Variants in CLPB observed in about 807,000 individuals in gnomAD.
CLPB encodes ClpB family mitochondrial disaggregase, also known as mitochondrial disaggregase.
In CLPB, 40 loss-of-function variants were observed where a neutral mutation model predicts 78.4. The ratio of observed to expected loss-of-function variants is 0.51; its 90% CI spans 0.40 to 0.66. The LOEUF (loss-of-function observed/expected upper bound fraction) is 0.66. Ranked by LOEUF, CLPB falls within the 30% of genes least tolerant of loss-of-function variation. The pLI is 0.00. For synonymous variants in CLPB, 333 were observed against 348.0 expected (o/e 0.96, Z 0.48); for missense variants, 780 against 886.9 (o/e 0.88, Z 1.53).
chr11:72,415,432 G>A (rs1362736405), intron 2 of CLPB, among the ~76,000 whole-genome samples: 1 of 152,080 alleles, frequency 6.6e-6, no homozygotes, highest in Non-Finnish European at 1.5e-5. Flanking sequence ...TTACTTGAGG[G>A]GTGAAGATAC....
intron 6 of CLPB, among the ~76,000 whole-genome samples, chr11:72,321,540 C>T (rs1241506597): frequency 2.6e-5 from 4 of 152,278 alleles, no homozygotes; most frequent in Admixed American, 2.0e-4. Context: ...TAGCTGGGCT[C>T]GCTTTGCTTA....
chr11:72,358,838 T>A, intron 5 of CLPB, 42 bp downstream of exon 5: 2 of 60,748 alleles, frequency 3.3e-5, no homozygotes, highest in Non-Finnish European at 2.9e-5. Context: ...CCACCCCTCT[T>A]CCACTTCCCC....
At position 72,286,994 on chromosome 11, in the gene CLPB, T is replaced by C. The variant is rs1949399093; in HGVS notation, c.*6373A>G. On this transcript the variant is annotated 3_prime_UTR_variant, in exon 16 of 16. Coordinates refer to ENST00000538039, the MANE Select transcript of CLPB (RefSeq NM_001258392.3). ...ACTCTCTAGACATTTAAATAACATT[T>C]AAGTTCTTGATGTAATAAATTAATA... 6.6e-6 allele frequency: 1 copy of C among 152,208 alleles called. No homozygotes were observed. Among genetic ancestry groups the C allele is most frequent in the South Asian group, 2.1e-4 (1 of 4,834 alleles). 9.4% of individuals were successfully genotyped at this position (152,208 alleles called of 1,614,324 possible). A position where few individuals can be genotyped will look rare whatever the true frequency, so the allele number is the denominator to read the frequency against.
chr11:72,387,849 C>A (rs1279006433), intron 3 of CLPB, among the ~76,000 whole-genome samples: 1 of 152,144 alleles, frequency 6.6e-6, no homozygotes, highest in Non-Finnish European at 1.5e-5. Context: ...GTGTTAAAAT[C>A]CAAGTGTCGA....
At chr11:72,367,833 G>C (rs925377421) in intron 4 of CLPB, among the ~76,000 whole-genome samples, 9 of 151,904 alleles carry the variant, frequency 5.9e-5, no homozygotes, top group Admixed American at 3.9e-4. Flanking sequence ...TGAGGTGTGA[G>C]AGGAGAGGAA....
intron 5 of CLPB, among the ~76,000 whole-genome samples, chr11:72,344,262 G>T (rs1950472309): frequency 6.6e-6 from 1 of 152,064 alleles, no homozygotes; most frequent in African/African-American, 2.4e-5. Flanking sequence ...AGGCTGGAGT[G>T]CAGTGGCGCA....
At chr11:72,300,037 T>C (rs1429365538) in intron 11 of CLPB, among the ~76,000 whole-genome samples, 1 of 152,196 alleles carries the variant, frequency 6.6e-6, no homozygotes, top group African/African-American at 2.4e-5. Flanking sequence ...CTCAGCGGCA[T>C]GGTCCCGTCC....
At chr11:72,423,387 A>C (rs1565099244) in intron 2 of CLPB, among the ~76,000 whole-genome samples, 1 of 152,194 alleles carries the variant, frequency 6.6e-6, no homozygotes. Context: ...TTTTCTCCCT[A>C]ATCAACCATA....
At chr11:72,363,819 C>T (rs921210983) in intron 4 of CLPB, among the ~76,000 whole-genome samples, 1 of 152,178 alleles carries the variant, frequency 6.6e-6, no homozygotes, top group African/African-American at 2.4e-5. Flanking sequence ...GCCCACAGGC[C>T]CAAGCCTCAT....
At position 72,329,843 on chromosome 11, in the gene CLPB, G is replaced by A. The variant is rs573466846; in HGVS notation, c.776-39C>T. The A allele has an allele frequency of 1.1e-5, 16 of 1,502,444 alleles. No individual in the cohort carries two copies. The African/African-American group carries it at 1.1e-4, about 10-fold the overall frequency. 93.1% of individuals were successfully genotyped at this position (1,502,444 alleles called of 1,614,324 possible). A position where few individuals can be genotyped will look rare whatever the true frequency, so the allele number is the denominator to read the frequency against. ...AAGGATAAACAGAGGCTCTATGAAC[G>A]ATCAGTGGGACCTCAGCCTTCCCTT... On this transcript the variant is annotated intron_variant, in intron 5 of 15. Transcript: ENST00000538039.
intron 2 of CLPB, among the ~76,000 whole-genome samples, chr11:72,422,596 T>C (rs1358274063): frequency 1.3e-5 from 2 of 152,204 alleles, no homozygotes; most frequent in Non-Finnish European, 2.9e-5. Flanking sequence ...CCTTGAGGCC[T>C]TGACCTTTGG....
intron 2 of CLPB, among the ~76,000 whole-genome samples, chr11:72,426,731 G>A (rs111929740): frequency 2.0e-5 from 3 of 152,298 alleles, no homozygotes; most frequent in African/African-American, 4.8e-5. Context: ...GGTAAAAGAC[G>A]GTAGAGAACA....
intron 2 of CLPB, among the ~76,000 whole-genome samples, chr11:72,420,266 C>T (rs985627166): frequency 2.6e-5 from 4 of 152,072 alleles, no homozygotes; most frequent in African/African-American, 9.7e-5. Flanking sequence ...TTTAGGAGGC[C>T]GAGGTGGGCG....
At chr11:72,346,132 C>T (rs1400786202) in intron 5 of CLPB, among the ~76,000 whole-genome samples, 17 of 152,076 alleles carry the variant, frequency 1.1e-4, no homozygotes, top group Admixed American at 1.1e-3. Context: ...GGATTACTAA[C>T]AAATGTAGGT....
intron 2 of CLPB, among the ~76,000 whole-genome samples, chr11:72,414,984 G>A (rs1017011311): frequency 1.3e-5 from 2 of 152,172 alleles, no homozygotes; most frequent in Non-Finnish European, 2.9e-5. Context: ...TTGAGAGGCC[G>A]AGGTGGGTGG....
At chr11:72,371,167 A>C (rs1347704105) in intron 4 of CLPB, among the ~76,000 whole-genome samples, 2 of 151,980 alleles carry the variant, frequency 1.3e-5, no homozygotes, top group African/African-American at 4.8e-5. Flanking sequence ...GGGCTCAGGC[A>C]ATCCTCCTGT....
rs370339673 is a variant in CLPB at position 72,294,337 on chromosome 11, G to C, written c.1668C>G (p.Phe556Leu). Residue 556 changes from phenylalanine (F) to leucine (L), a missense_variant, in exon 14 of 16, where the codon TTC becomes TTG. Physicochemically the swap from Phe to Leu is conservative, Grantham distance 22. This residue lies in a region of CLPB where 272 missense variants were observed against 304.0 expected (regional missense o/e 0.89). Coordinates refer to ENST00000538039, the MANE Select transcript of CLPB (RefSeq NM_001258392.3). ...LIQLVNKELN[F>L]WAKRAKQRHN... ...AGTTCCCTCTTACTCTCTTGGCCCA[G>C]AAGTTTAGTTCCTTGTTGACGAGTT... The C allele has an allele frequency of 1.2e-6, 2 of 1,614,236 alleles. No individual in the cohort carries two copies. The highest frequency in any genetic ancestry group is 4.5e-5 in the East Asian group (2 of 44,884).
In CLPB at chr11:72,358,918, G is replaced by A. The variant is rs1323224424; in HGVS notation, c.737C>T (p.Ala246Val). ...GCTALHYAVL[A>V]DDYRTVKELL... ...CTCCTTGACAGTGCGGTAGTCATCA[G>A]CAAGAACAGCATAGTGCAAGGCCGT... Residue 246 changes from alanine to valine, a missense_variant, in exon 5 of 16, where the codon GCT becomes GTT. Physicochemically the swap from Ala to Val is moderately conservative, Grantham distance 64. Coordinates refer to ENST00000538039, the MANE Select transcript of CLPB (RefSeq NM_001258392.3). 3.7e-6 allele frequency: 6 copies of A among 1,611,554 alleles called. No homozygotes were observed. Among genetic ancestry groups the A allele is most frequent in the Non-Finnish European group, 5.1e-6 (6 of 1,179,394 alleles).
chr11:72,355,827 G>A (rs554024312), intron 5 of CLPB, among the ~76,000 whole-genome samples: 1 of 152,174 alleles, frequency 6.6e-6, no homozygotes, highest in East Asian at 1.9e-4. Flanking sequence ...AACCCTCTAA[G>A]GTCTGGGGAC....
Sources: allele counts gnomAD v4.1 joint callset (sites outside exome capture counted in the v4.1 genomes callset), GRCh38; gene constraint gnomAD v4.1.1; regional missense constraint gnomAD v4.1.1; transcripts MANE v1.5; gene names NCBI Gene and HGNC (gene_info 2026-07-23, HGNC 2026-07-21).